Variants in B3GAT1 observed in about 807,000 individuals in gnomAD.
B3GAT1 encodes the protein beta-1,3-glucuronyltransferase 1.
Under a neutral mutation model 28.4 loss-of-function variants are expected in B3GAT1, and 11 were observed. The ratio of observed to expected loss-of-function variants is 0.39; its 90% CI spans 0.24 to 0.64. B3GAT1 has a LOEUF of 0.64. Among genes scored for constraint, B3GAT1 ranks in the 30% least tolerant of loss-of-function variants. B3GAT1 has a pLI of 0.50. For missense variants in B3GAT1, 375 were observed against 491.0 expected, an observed-to-expected ratio of 0.76 and a Z score of 2.23; for synonymous variants, 255 against 223.1, an observed-to-expected ratio of 1.14 and a Z score of -1.27.
chr11:134,383,480 C>T (rs149636911), intron 3 of B3GAT1, among the ~76,000 whole-genome samples, 200 bp downstream of exon 3: 2 of 152,350 alleles, frequency 1.3e-5, no homozygotes, highest in Non-Finnish European at 2.9e-5. Flanking sequence ...CCAGAGCCAC[C>T]TGTCTTCCCC....
rs761915526 is a variant in B3GAT1 at position 134,383,016 on chromosome 11, G to C, written c.622-10C>G. The C allele has an allele frequency of 3.2e-6, 5 of 1,540,074 alleles. No individual in the cohort carries two copies. Among genetic ancestry groups the C allele is most frequent in the Non-Finnish European group, 2.6e-6 (3 of 1,141,520 alleles). On this transcript the variant is annotated splice_polypyrimidine_tract_variant and intron_variant, in intron 3 of 5. Coordinates refer to ENST00000312527, the MANE Select transcript of B3GAT1 (RefSeq NM_054025.3). ...TCCTGGTGCTGCGCATCTACAAGGG[G>C]GGGGTCCAGAGTCAGGGCGCCGGCA...
chr11:134,390,436 G>C (rs1053355580), intron 1 of B3GAT1: 1 of 152,210 alleles, frequency 6.6e-6, no homozygotes, highest in African/African-American at 2.4e-5. Flanking sequence ...ACTCTCGAAG[G>C]AGCTTTCTCA....
At chr11:134,387,425 C>A in intron 2 of B3GAT1, 123 bp downstream of exon 2, 1 of 1,309,568 alleles carries the variant, frequency 7.6e-7, no homozygotes, top group South Asian at 1.4e-5. Context: ...ATGAAGGGGC[C>A]TAGATGATCC....
intron 4 of B3GAT1, 71 bp downstream of exon 4, chr11:134,382,639 C>G (rs1396104219): frequency 2.6e-6 from 4 of 1,535,328 alleles, no homozygotes; most frequent in Non-Finnish European, 2.6e-6. Context: ...TTCCTTCTCC[C>G]GATCTGTAGG....
chr11:134,402,032 G>A (rs1944627082), intron 1 of B3GAT1, among the ~76,000 whole-genome samples: 1 of 151,908 alleles, frequency 6.6e-6, no homozygotes, highest in Admixed American at 6.6e-5. Context: ...TGGCGCTGTG[G>A]CCCTGGCTCC....
intron 2 of B3GAT1, chr11:134,385,294 G>A (rs1280391934): frequency 5.9e-5 from 9 of 152,354 alleles, no homozygotes; most frequent in East Asian, 1.9e-4. Context: ...GGAGGACCCC[G>A]GGCATCAGCT....
intron 1 of B3GAT1, among the ~76,000 whole-genome samples, chr11:134,392,745 G>A (rs754214411): frequency 6.6e-6 from 1 of 152,122 alleles, no homozygotes; most frequent in Non-Finnish European, 1.5e-5. Context: ...GACTCAGATG[G>A]GAAGGCTCTG....
intron 1 of B3GAT1, among the ~76,000 whole-genome samples, chr11:134,397,742 C>T (rs1385182085): frequency 4.6e-5 from 7 of 152,280 alleles, no homozygotes; most frequent in Non-Finnish European, 8.8e-5. Flanking sequence ...CAGCACCTGT[C>T]TCGTTTCCTT....
intron 2 of B3GAT1, chr11:134,384,770 T>C (rs1356219028): frequency 6.6e-6 from 1 of 152,528 alleles, no homozygotes; most frequent in Non-Finnish European, 1.5e-5. Context: ...ATTCTCTGAA[T>C]CTCGGTGCAG....
chr11:134,404,885 C>T (rs540001713), intron 1 of B3GAT1, among the ~76,000 whole-genome samples: 3 of 152,342 alleles, frequency 2.0e-5, no homozygotes, highest in East Asian at 1.9e-4. Flanking sequence ...GAAAGCAGCT[C>T]GCCCGGAGGC....
Position 134,387,942 on chromosome 11 carries a change from T to A in B3GAT1, c.-281-2A>T. 1 of 1,288,242 alleles carries A rather than the reference T, an allele frequency of 7.8e-7. No individual in the cohort carries two copies. Among genetic ancestry groups the A allele is most frequent in the Non-Finnish European group, 1.1e-6 (1 of 943,734 alleles). 79.8% of individuals were successfully genotyped at this position (1,288,242 alleles called of 1,614,324 possible). ...TCAGGAACCCTGGGGGGTGGACACC[T>A]GCAAGAGAGAGCAGAAGCGGATAGC... On this transcript the variant is annotated splice_acceptor_variant, in intron 1 of 5. Transcript: ENST00000312527. LOFTEE classifies it low-confidence loss of function (5UTR_SPLICE).
At chr11:134,406,089 A>T (rs937364285) in intron 1 of B3GAT1, among the ~76,000 whole-genome samples, 1 of 152,220 alleles carries the variant, frequency 6.6e-6, no homozygotes, top group Non-Finnish European at 1.5e-5. Flanking sequence ...AGCTGGGACC[A>T]GCGCCCGGGG....
intron 1 of B3GAT1, chr11:134,409,936 G>C (rs995054136): frequency 1.3e-5 from 2 of 152,580 alleles, no homozygotes; most frequent in African/African-American, 4.8e-5. Flanking sequence ...GCTCCTGTCC[G>C]CTCAGCCTTT....
At chr11:134,383,123 C>T in intron 3 of B3GAT1, 117 bp from the exon 4 acceptor site, 1 of 1,191,968 alleles carries the variant, frequency 8.4e-7, no homozygotes, top group Non-Finnish European at 1.1e-6. Context: ...CCAGCCGCGG[C>T]CACCTAGGGG....
chr11:134,398,784 G>A (rs1434211673), intron 1 of B3GAT1, among the ~76,000 whole-genome samples: 1 of 152,116 alleles, frequency 6.6e-6, no homozygotes, highest in Admixed American at 6.5e-5. Context: ...GGGGACATAC[G>A]GGTTTCTTCC....
At chr11:134,394,373 G>A (rs926545209) in intron 1 of B3GAT1, among the ~76,000 whole-genome samples, 6 of 152,340 alleles carry the variant, frequency 3.9e-5, no homozygotes, top group African/African-American at 1.4e-4. Flanking sequence ...AGGTCACTGC[G>A]TTAGGTGTCA....
intron 4 of B3GAT1, 148 bp from the exon 5 acceptor site, chr11:134,382,172 A>G: frequency 3.0e-6 from 2 of 674,190 alleles, no homozygotes; most frequent in Admixed American, 2.8e-5. Context: ...GATTTTCTCA[A>G]TTGTTTTTTA....
intron 1 of B3GAT1, among the ~76,000 whole-genome samples, chr11:134,400,387 T>A (rs372618499): frequency 5.9e-5 from 9 of 152,240 alleles, no homozygotes; most frequent in African/African-American, 2.2e-4. Flanking sequence ...TTCCTCACCT[T>A]TAACTCTCAC....
intron 1 of B3GAT1, among the ~76,000 whole-genome samples, chr11:134,406,780 G>A (rs897742511): frequency 2.6e-5 from 4 of 152,250 alleles, no homozygotes; most frequent in East Asian, 1.9e-4. Context: ...GTTAAGCAAC[G>A]TCCTGAGGCC....
Sources: gnomAD v4.1 joint callset for allele counts (sites outside exome capture counted in the v4.1 genomes callset) on GRCh38, gnomAD v4.1.1 for gene constraint, MANE v1.5 for transcripts, NCBI Gene and HGNC (gene_info 2026-07-23, HGNC 2026-07-21) for gene names.